PEBP4: variants seen among roughly 807,000 people sequenced by gnomAD.
PEBP4 encodes the protein phosphatidylethanolamine-binding protein 4.
In PEBP4, 22 loss-of-function variants were observed where a neutral mutation model predicts 23.9. The ratio of observed to expected loss-of-function variants is 0.92; its 90% CI spans 0.66 to 1.31. PEBP4 has a LOEUF of 1.31. Among genes scored for constraint, PEBP4 ranks in the 40% most tolerant of loss-of-function variants. PEBP4 has a pLI of 0.00. For missense variants in PEBP4, 324 were observed against 281.7 expected (o/e 1.15, Z -1.07); for synonymous variants, 112 against 99.3 (o/e 1.13, Z -0.76).
In PEBP4 at chr8:22,927,539, C is replaced by T. The variant is rs1252478853; in HGVS notation, c.131+45G>A. On this transcript the variant is annotated intron_variant, in intron 2 of 6. Coordinates refer to ENST00000256404, the MANE Select transcript of PEBP4 (RefSeq NM_144962.3). ...ATACCCCTCCCTGCCATCTACCTGC[C>T]TGGTAGCCTCTGTGCCTCCCGCCTC... The T allele has an allele frequency of 2.5e-6, 4 of 1,581,374 alleles. No homozygotes were observed. In the East Asian group the frequency reaches 6.8e-5, roughly 27 times the overall value.
At chr8:22,872,603 G>GGCACT (rs1563244481) in intron 3 of PEBP4, among the ~76,000 whole-genome samples, 1 of 152,150 alleles carries the variant, frequency 6.6e-6, no homozygotes, top group African/African-American at 2.4e-5. Flanking sequence ...AAATGATGAA[G>GGCACT]GCACTGCCTT....
rs935867007 is a variant in PEBP4 at position 22,817,844 on chromosome 8, C to T, written c.259-109G>A. On this transcript the variant is annotated intron_variant, in intron 3 of 6. Transcript: ENST00000256404. ...TCCAACCGAGAATGGCTGAGTAGCC[C>T]CTATGGCGTCCCATCCAGTTTATCC... 3.3e-6 allele frequency: 3 copies of T among 899,586 alleles called. No homozygotes were observed. The African/African-American group carries it at 4.9e-5, about 15-fold the overall frequency. 55.7% of individuals were successfully genotyped at this position (899,586 alleles called of 1,614,324 possible).
At chr8:22,820,346 G>T (rs538499712) in intron 3 of PEBP4, among the ~76,000 whole-genome samples, 1 of 152,234 alleles carries the variant, frequency 6.6e-6, no homozygotes, top group African/African-American at 2.4e-5. Flanking sequence ...GTACAGGTGT[G>T]GAATACGTGG....
chr8:22,727,703 A>T (rs1804646489), intron 4 of PEBP4, among the ~76,000 whole-genome samples: 1 of 151,984 alleles, frequency 6.6e-6, no homozygotes, highest in Admixed American at 6.5e-5. Context: ...TTAGAATATT[A>T]AGCAATGGGC....
At chr8:22,790,665 A>G (rs1417827260) in intron 4 of PEBP4, among the ~76,000 whole-genome samples, 3 of 152,188 alleles carry the variant, frequency 2.0e-5, no homozygotes, top group Non-Finnish European at 4.4e-5. Context: ...TTGAAGGCTC[A>G]GTGTTCTAGT....
intron 1 of PEBP4, among the ~76,000 whole-genome samples, chr8:22,940,490 C>CTCTTTTTT (rs1554499133): frequency 9.1e-6 from 1 of 110,054 alleles, no homozygotes; most frequent in Non-Finnish European, 1.8e-5. Flanking sequence ...ATGAATTTCT[C>CTCTTTTTT]TTTTTTTTTT....
intron 3 of PEBP4, among the ~76,000 whole-genome samples, chr8:22,849,294 AATAGAT>A (rs1289491817): frequency 1.3e-5 from 2 of 152,224 alleles, no homozygotes; most frequent in African/African-American, 4.8e-5. Flanking sequence ...CCAATGAGTT[AATAGAT>A]ATTAGGTGCC....
At chr8:22,797,271 A>AC (rs1197132784) in intron 4 of PEBP4, among the ~76,000 whole-genome samples, 11 of 145,748 alleles carry the variant, frequency 7.5e-5, no homozygotes, top group African/African-American at 1.0e-4. Context: ...AAAAAAAAAA[A>AC]AGACAGAAAG....
intron 4 of PEBP4, among the ~76,000 whole-genome samples, chr8:22,778,938 G>A (rs1034859388): frequency 3.9e-5 from 6 of 152,132 alleles, no homozygotes; most frequent in African/African-American, 1.4e-4. Context: ...GCTGTCCTCG[G>A]AGGTGTGAGG....
At chr8:22,894,219 A>G (rs1020006669) in intron 3 of PEBP4, among the ~76,000 whole-genome samples, 19 of 152,138 alleles carry the variant, frequency 1.2e-4, no homozygotes, top group Admixed American at 1.2e-3. Flanking sequence ...TTGGAATAAG[A>G]TGACTTCTTC....
intron 3 of PEBP4, among the ~76,000 whole-genome samples, chr8:22,898,051 A>T (rs1199715762): frequency 1.3e-5 from 2 of 152,186 alleles, no homozygotes; most frequent in Non-Finnish European, 2.9e-5. Context: ...CCTTGATCTC[A>T]TAATTCCAGC....
At chr8:22,721,583 C>T (rs571238439) in intron 6 of PEBP4, among the ~76,000 whole-genome samples, 3 of 152,202 alleles carry the variant, frequency 2.0e-5, no homozygotes, top group South Asian at 2.1e-4. Context: ...TTCAGTGGCC[C>T]GTCTGCCATA....
intron 5 of PEBP4, among the ~76,000 whole-genome samples, chr8:22,726,741 C>T (rs945960848): frequency 2.6e-5 from 4 of 152,198 alleles, no homozygotes; most frequent in African/African-American, 7.2e-5. Flanking sequence ...CGCTGCTTCA[C>T]GGAACTGCAG....
chr8:22,817,766 C>A, intron 3 of PEBP4, 31 bp from the exon 4 acceptor site: 4 of 1,593,276 alleles, frequency 2.5e-6, no homozygotes, highest in Non-Finnish European at 3.4e-6. Flanking sequence ...AGTAATGTAG[C>A]GTCATGGCTG....
chr8:22,767,436 G>T (rs563452292), intron 4 of PEBP4, among the ~76,000 whole-genome samples: 4 of 152,222 alleles, frequency 2.6e-5, no homozygotes, highest in African/African-American at 9.7e-5. Context: ...TGTCACGTCC[G>T]CTGTCATTCC....
chr8:22,768,917 C>A (rs947721324), intron 4 of PEBP4, among the ~76,000 whole-genome samples: 2 of 152,134 alleles, frequency 1.3e-5, no homozygotes, highest in Admixed American at 1.3e-4. Context: ...CAGTCGTCTC[C>A]GGGGCTCTGC....
chr8:22,732,486 G>A (rs1176544023), intron 4 of PEBP4, among the ~76,000 whole-genome samples: 1 of 152,092 alleles, frequency 6.6e-6, no homozygotes, highest in African/African-American at 2.4e-5. Flanking sequence ...TGGGTCTATA[G>A]GTGCAGCAAA....
intron 3 of PEBP4, among the ~76,000 whole-genome samples, chr8:22,834,529 T>A (rs1807159702): frequency 6.6e-6 from 1 of 152,216 alleles, no homozygotes; most frequent in South Asian, 2.1e-4. Flanking sequence ...AGAGGTATTG[T>A]GCAGTTGCTG....
chr8:22,859,502 G>A (rs1807721385), intron 3 of PEBP4, among the ~76,000 whole-genome samples: 2 of 152,200 alleles, frequency 1.3e-5, no homozygotes, highest in African/African-American at 4.8e-5. Flanking sequence ...CAGGTGAGAT[G>A]AGCCTCGGGA....
Sources: gnomAD v4.1 joint callset for allele counts (sites outside exome capture counted in the v4.1 genomes callset) on GRCh38, gnomAD v4.1.1 for gene constraint, MANE v1.5 for transcripts, NCBI Gene and HGNC (gene_info 2026-07-23, HGNC 2026-07-21) for gene names.